PPCS: variants seen among roughly 807,000 people sequenced by gnomAD.
PPCS encodes the protein phosphopantothenate--cysteine ligase.
PPCS carries 17 observed loss-of-function variants against 24.6 expected under a neutral mutation model. That is an observed-to-expected ratio of 0.69 (90% CI 0.47 to 1.04). PPCS has a LOEUF of 1.04. PPCS is among the 50% of genes least tolerant of loss of function. The probability of loss-of-function intolerance (pLI) is 0.00; values close to 1 mark genes in which losing one functional copy is unlikely to be tolerated. For synonymous variants in PPCS, 190 were observed against 168.3 expected, an observed-to-expected ratio of 1.13 and a Z score of -1.00; for missense variants, 360 against 402.8, an observed-to-expected ratio of 0.89 and a Z score of 0.91.
rs370023020 is a variant in PPCS, at chr1:42,456,886, T to C, written c.321T>C (p.Pro107=). The C allele has an allele frequency of 6.2e-6, 10 of 1,612,702 alleles. No individual in the cohort carries two copies. The highest frequency in any genetic ancestry group is 8.5e-6 in the Non-Finnish European group (10 of 1,179,900). Residue 107 remains proline, a synonymous_variant, in exon 1 of 3, where the codon CCT becomes CCC. Transcript: ENST00000372561. ...AGACTTGGCTGTCCGCTCTGCGGCCTTCGGGCCCAGCCCTTTCGGGCTTGC... is the reference window on the plus strand; with the variant it reads ...AGACTTGGCTGTCCGCTCTGCGGCCCTCGGGCCCAGCCCTTTCGGGCTTGC... ...PPQTWLSALR[P]SGPALSGLLS... is the part of the protein sequence containing the mutation.
chr1:42,461,995 C>T (rs148106592), downstream of PPCS, among the ~76,000 whole-genome samples: 1 of 152,326 alleles, frequency 6.6e-6, no homozygotes, highest in Non-Finnish European at 1.5e-5. Flanking sequence ...TGGATGATGA[C>T]TGTCATCTTT....
downstream of PPCS, among the ~76,000 whole-genome samples, chr1:42,462,328 G>A (rs1012788626): frequency 1.3e-5 from 2 of 152,122 alleles, no homozygotes; most frequent in African/African-American, 4.8e-5. Context: ...GGAGGATCAA[G>A]GAATGTCTCC....
At chr1:42,458,696 T>A (rs1231450122) in intron 2 of PPCS, among the ~76,000 whole-genome samples, 1 of 152,250 alleles carries the variant, frequency 6.6e-6, no homozygotes. Flanking sequence ...GATTTCACGC[T>A]TTTTAATCTC....
Position 42,460,387 on chromosome 1 carries a change from G to A in PPCS, c.*461G>A. 1.0e-6 allele frequency: 1 copy of A among 986,614 alleles called. No homozygotes were observed. Among genetic ancestry groups the A allele is most frequent in the Non-Finnish European group, 1.2e-6 (1 of 830,400 alleles). 61.1% of individuals were successfully genotyped at this position (986,614 alleles called of 1,614,324 possible). ...AAAAAAATCAAGTGCAATAAAGTGT[G>A]TGTCCAAAAGCTGACACAATGGAAA... On this transcript the variant is annotated 3_prime_UTR_variant, in exon 3 of 3. Coordinates refer to ENST00000372561, the MANE Select transcript of PPCS (RefSeq NM_024664.4).
downstream of PPCS, among the ~76,000 whole-genome samples, chr1:42,462,609 A>C (rs1643440986): frequency 1.3e-5 from 2 of 152,266 alleles, no homozygotes; most frequent in Non-Finnish European, 2.9e-5. Context: ...AAACATGACT[A>C]AAATCGAGTT....
chr1:42,470,158 G>A (rs932954583), intron 2 of PPCS, among the ~76,000 whole-genome samples: 1 of 152,170 alleles, frequency 6.6e-6, no homozygotes, highest in Non-Finnish European at 1.5e-5. Context: ...AGGCTTGAGG[G>A]GCAAACAAGT....
At chr1:42,463,259 G>C (rs148837975), downstream of PPCS, 1 of 152,366 alleles carries the variant, frequency 6.6e-6, no homozygotes, top group Non-Finnish European at 1.5e-5. Flanking sequence ...GGAAGGACGC[G>C]TCTGCGTCTC....
chr1:42,464,308 A>G (rs1557783207), downstream of PPCS: 1 of 152,246 alleles, frequency 6.6e-6, no homozygotes, highest in Non-Finnish European at 1.5e-5. Context: ...TTTCAGGCTT[A>G]CATAATGAAA....
At position 42,460,040 on chromosome 1, in the gene PPCS, CAGT is replaced by C. The variant is rs1301146399; in HGVS notation, c.*115_*117del. 6 of 1,437,898 alleles carry C rather than the reference CAGT, an allele frequency of 4.2e-6. No homozygotes were observed. In the East Asian group the frequency reaches 7.4e-5, roughly 18 times the overall value. 89.1% of individuals were successfully genotyped at this position (1,437,898 alleles called of 1,614,324 possible). ...GATAAAATGAAAGAAAGGGAAAAGG[CAGT>C]GGTGTGTAGGCAAATATGGTTTGGC... On this transcript the variant is annotated 3_prime_UTR_variant, in exon 3 of 3. Coordinates refer to ENST00000372561, the MANE Select transcript of PPCS (RefSeq NM_024664.4).
chr1:42,467,904 G>C (rs1024074053), intron 2 of PPCS: 1 of 152,194 alleles, frequency 6.6e-6, no homozygotes, highest in South Asian at 2.1e-4. Context: ...CATTCGCTAA[G>C]GACTTGAATA....
intron 2 of PPCS, among the ~76,000 whole-genome samples, chr1:42,458,347 T>A (rs987857674): frequency 6.6e-6 from 1 of 152,218 alleles, no homozygotes; most frequent in South Asian, 2.1e-4. Flanking sequence ...GTTGTGATTT[T>A]AGATTTTTGG....
Position 42,460,441 on chromosome 1 carries a change from A to G in PPCS, c.*515A>G, listed in dbSNP as rs142622030. 1.4e-3 allele frequency: 1,344 copies of G among 948,426 alleles called. 11 individuals are homozygous for G. In the African/African-American group the frequency reaches 0.022, roughly 16 times the overall value. The allele number at this position is 948,426 out of a possible 1,614,324, so 58.8% of individuals were successfully genotyped here. A position where few individuals can be genotyped will look rare whatever the true frequency, so the allele number is the denominator to read the frequency against. On this transcript the variant is annotated 3_prime_UTR_variant, in exon 3 of 3. Coordinates refer to ENST00000372561, the MANE Select transcript of PPCS (RefSeq NM_024664.4). Reference sequence around the variant, plus strand: ...TGTTTTGTTTTGTTTGAAATTTATCAAATATAGTAGTAGGAAAGAAGGATA... The same window carrying G: ...TGTTTTGTTTTGTTTGAAATTTATCGAATATAGTAGTAGGAAAGAAGGATA...
chr1:42,459,155 CTTT>C (rs11316113), intron 2 of PPCS: 9 of 92,732 alleles, frequency 9.7e-5, no homozygotes, highest in East Asian at 3.3e-4. Context: ...AGAGCCAAGG[CTTT>C]TTTTTTTTTT....
rs929681873 is a variant in PPCS, at chr1:42,460,796, T to A, written c.*870T>A. Among the ~76,000 whole-genome samples the A allele has an allele frequency of 6.6e-6, 1 of 152,236 alleles. No homozygotes were observed. The highest frequency in any genetic ancestry group is 2.4e-5 in the African/African-American group (1 of 41,456). On this transcript the variant is annotated 3_prime_UTR_variant, in exon 3 of 3. Transcript: ENST00000372561. ...TGAGGATAATCTCTCTGCAAAGTAA[T>A]GCCATTTATTGTGAGGATCAAATGA... is the stretch of plus-strand genomic sequence containing the variant.
chr1:42,473,338 T>C, exon 3 of PPCS: 1 of 1,126,490 alleles, frequency 8.9e-7, no homozygotes, highest in Non-Finnish European at 1.1e-6. Context: ...TAAAGACACC[T>C]GTGATTTTGT....
intron 2 of PPCS, among the ~76,000 whole-genome samples, chr1:42,468,179 G>A (rs1001687464): frequency 1.3e-5 from 2 of 152,286 alleles, no homozygotes; most frequent in African/African-American, 4.8e-5. Flanking sequence ...AAATAATAAT[G>A]CGTTGAAAAA....
At chr1:42,463,037 C>T (rs1005528164), downstream of PPCS, among the ~76,000 whole-genome samples, 4 of 152,190 alleles carry the variant, frequency 2.6e-5, no homozygotes, top group African/African-American at 9.7e-5. Flanking sequence ...TAGAACGCCC[C>T]AAGACAAAAT....
chr1:42,462,846 C>A (rs979225004), downstream of PPCS, among the ~76,000 whole-genome samples: 4 of 152,122 alleles, frequency 2.6e-5, no homozygotes, highest in Non-Finnish European at 4.4e-5. Flanking sequence ...AAGCTGGATC[C>A]AAAAATTGTG....
intron 2 of PPCS, among the ~76,000 whole-genome samples, chr1:42,458,706 C>A (rs1464443573): frequency 1.3e-5 from 2 of 152,164 alleles, no homozygotes; most frequent in African/African-American, 4.8e-5. Context: ...TTTTTAATCT[C>A]TGGGATCTTT....
Sources: allele counts gnomAD v4.1 joint callset (sites outside exome capture counted in the v4.1 genomes callset), GRCh38; gene constraint gnomAD v4.1.1; transcripts MANE v1.5; gene names NCBI Gene and HGNC (gene_info 2026-07-23, HGNC 2026-07-21).